Variants in NTRK2 observed in about 807,000 individuals in gnomAD.
NTRK2 encodes the protein BDNF/NT-3 growth factors receptor.
Under a neutral mutation model 94.5 loss-of-function variants are expected in NTRK2, and 13 were observed. The ratio of observed to expected loss-of-function variants is 0.14; its 90% CI spans 0.09 to 0.22. The LOEUF (loss-of-function observed/expected upper bound fraction) is 0.22, where lower values mean the gene tolerates loss of function less well. Among genes scored for constraint, NTRK2 ranks in the 10% least tolerant of loss-of-function variants. The pLI is 1.00. For synonymous variants in NTRK2, 372 were observed against 407.4 expected (o/e 0.91, Z 1.05); for missense variants, 639 against 1,071.2 (o/e 0.60, Z 5.63).
chr9:84,945,175 G>A (rs555691432), intron 15 of NTRK2, among the ~76,000 whole-genome samples: 62 of 152,274 alleles, frequency 4.1e-4, no homozygotes, highest in African/African-American at 1.5e-3. Flanking sequence ...TTCCTGGTCC[G>A]TCTTTCATTT....
At chr9:84,741,644 C>A (rs1046681236) in intron 9 of NTRK2, among the ~76,000 whole-genome samples, 1 of 152,096 alleles carries the variant, frequency 6.6e-6, no homozygotes, top group Non-Finnish European at 1.5e-5. Flanking sequence ...TTTTTCAAAG[C>A]AATTTGTGAT....
In NTRK2 at chr9:84,876,854, C is replaced by T; in HGVS notation, c.1633+9423C>T. 3 of 1,062,660 alleles carry T rather than the reference C, an allele frequency of 2.8e-6. No individual in the cohort carries two copies. In the South Asian group the frequency reaches 1.4e-4, roughly 48 times the overall value. 65.8% of individuals were successfully genotyped at this position (1,062,660 alleles called of 1,614,324 possible). On this transcript the variant is annotated intron_variant, in intron 14 of 18. Coordinates refer to ENST00000277120, the MANE Select transcript of NTRK2 (RefSeq NM_006180.6). ...ATGTATACATTTAGTCTGTCTTTTTCCCTTTTAGGAGTCTTTGTTCTGGGT... is the reference window on the plus strand; with the variant it reads ...ATGTATACATTTAGTCTGTCTTTTTTCCTTTTAGGAGTCTTTGTTCTGGGT...
intron 17 of NTRK2, among the ~76,000 whole-genome samples, chr9:84,993,590 T>C (rs1022409863): frequency 3.9e-5 from 6 of 152,186 alleles, no homozygotes; most frequent in Admixed American, 6.5e-5. Flanking sequence ...CTTTGTAGAG[T>C]GCAAATCTGG....
intron 12 of NTRK2, among the ~76,000 whole-genome samples, chr9:84,778,287 C>T (rs1416706362): frequency 6.6e-6 from 1 of 152,016 alleles, no homozygotes; most frequent in Admixed American, 6.6e-5. Flanking sequence ...AAAACAAAGC[C>T]TTCCTTAAAT....
intron 17 of NTRK2, among the ~76,000 whole-genome samples, chr9:84,962,463 G>A (rs1005705673): frequency 1.1e-4 from 17 of 151,786 alleles, no homozygotes; most frequent in Non-Finnish European, 1.9e-4. Context: ...AATGCTAGCA[G>A]TAGATGGGTA....
rs113258049 is a variant in NTRK2, at chr9:84,948,768, T to C, written c.1937+134T>C. Reference sequence around the variant, plus strand: ...CTTATTTGATAATGACACCAGCATATGCCAGAGAAAGGAGGAGAGAAAAAA... The same window carrying C: ...CTTATTTGATAATGACACCAGCATACGCCAGAGAAAGGAGGAGAGAAAAAA... On this transcript the variant is annotated intron_variant, in intron 16 of 18. Coordinates refer to ENST00000277120, the MANE Select transcript of NTRK2 (RefSeq NM_006180.6). 6.7e-4 allele frequency: 479 copies of C among 716,522 alleles called. 4 individuals are homozygous for C. The African/African-American group carries it at 7.2e-3, about 11-fold the overall frequency. 44.4% of individuals were successfully genotyped at this position (716,522 alleles called of 1,614,324 possible).
rs773413015 is a variant in NTRK2, at chr9:84,704,225, CTTTTTTTT to C, written c.359+1820_359+1827del. Among the ~76,000 whole-genome samples, 6 of 93,710 alleles carry C rather than the reference CTTTTTTTT, an allele frequency of 6.4e-5. No individual in the cohort carries two copies. In the Admixed American group the frequency reaches 7.1e-4, roughly 11 times the overall value. 61.5% of individuals were successfully genotyped at this position (93,710 alleles called of 152,430 possible). On this transcript the variant is annotated intron_variant, in intron 4 of 18. Transcript: ENST00000277120. ...ATATGACGGTGATTTTGGTGGTATT[CTTTTTTTT>C]TTTTTTTTTTTTTGAGATGGAGTCT...
Position 84,861,065 on chromosome 9 carries a change from A to G in NTRK2, c.1422A>G (p.Lys474=). The G allele has an allele frequency of 6.2e-7, 1 of 1,613,496 alleles. No individual in the cohort carries two copies. Among genetic ancestry groups the G allele is most frequent in the East Asian group, 2.2e-5 (1 of 44,832 alleles). Residue 474 remains lysine, a synonymous_variant, in exon 13 of 19, where the codon AAA becomes AAG. Transcript: ENST00000277120. ...ATTTCTCATGGTTTGGATTTGGGAAAGTAAAATCAAGACAAGGTGTTGGTA... is the reference window on the plus strand; with the variant it reads ...ATTTCTCATGGTTTGGATTTGGGAAGGTAAAATCAAGACAAGGTGTTGGTA... ...MKDFSWFGFG[K]VKSRQGVGPA...
chr9:84,950,447 G>C (rs897786459), intron 16 of NTRK2, among the ~76,000 whole-genome samples: 1 of 152,188 alleles, frequency 6.6e-6, no homozygotes, highest in Non-Finnish European at 1.5e-5. Flanking sequence ...CCAGTAGTGA[G>C]GACGGGAGAT....
intron 14 of NTRK2, among the ~76,000 whole-genome samples, chr9:84,924,283 GA>G (rs984421786): frequency 2.7e-5 from 4 of 147,568 alleles, no homozygotes; most frequent in African/African-American, 1.0e-4. Flanking sequence ...AAGAAAGAAA[GA>G]AAGAAAGAAA....
chr9:85,004,558 A>G (rs1389609962), intron 17 of NTRK2, among the ~76,000 whole-genome samples: 1 of 152,228 alleles, frequency 6.6e-6, no homozygotes, highest in African/African-American at 2.4e-5. Flanking sequence ...GTGTTTTGTT[A>G]TAAACGAAGT....
At chr9:84,832,863 G>A (rs1195908663) in intron 12 of NTRK2, among the ~76,000 whole-genome samples, 1 of 152,064 alleles carries the variant, frequency 6.6e-6, no homozygotes, top group Non-Finnish European at 1.5e-5. Context: ...GGAGAAATTG[G>A]CTTGAATCCT....
At chr9:84,841,515 A>G (rs1251166607) in intron 12 of NTRK2, among the ~76,000 whole-genome samples, 1 of 152,166 alleles carries the variant, frequency 6.6e-6, no homozygotes, top group African/African-American at 2.4e-5. Flanking sequence ...CATTGGCCAG[A>G]GTGCACCCTG....
In NTRK2 at chr9:84,723,651, C is replaced by T. The variant is rs2132023359; in HGVS notation, c.662C>T (p.Ala221Val). Residue 221 changes from alanine (A) to valine (V), a missense_variant, in exon 7 of 19, where the codon GCA becomes GTA. Physicochemically the swap from Ala to Val is moderately conservative, Grantham distance 64. Transcript: ENST00000277120. ...TCTATCACATTATCCTGTAGTGTGG[C>T]AGGTGATCCGGTTCCTAATATGTAT... ...GKSITLSCSV[A>V]GDPVPNMYWD... 1 of 1,614,080 alleles carries T rather than the reference C, an allele frequency of 6.2e-7. No individual in the cohort carries two copies. Among genetic ancestry groups the T allele is most frequent in the South Asian group, 1.1e-5 (1 of 91,072 alleles).
At chr9:84,733,121 T>G (rs2063006844) in intron 9 of NTRK2, among the ~76,000 whole-genome samples, 1 of 152,210 alleles carries the variant, frequency 6.6e-6, no homozygotes, top group African/African-American at 2.4e-5. Context: ...CCTTGTCCTC[T>G]GAGCCATCCG....
chr9:84,831,104 T>C (rs1268173269), intron 12 of NTRK2, among the ~76,000 whole-genome samples: 2 of 152,258 alleles, frequency 1.3e-5, no homozygotes, highest in African/African-American at 4.8e-5. Context: ...TAGTATTGGA[T>C]GTTTAAGTAA....
intron 2 of NTRK2, among the ~76,000 whole-genome samples, chr9:84,690,528 T>A (rs1367123734): frequency 7.1e-6 from 1 of 141,772 alleles, no homozygotes; most frequent in African/African-American, 2.6e-5. Context: ...AAAGACATTT[T>A]AAAAAATGAT....
At chr9:84,738,825 C>T (rs1260606856) in intron 9 of NTRK2, among the ~76,000 whole-genome samples, 1 of 152,100 alleles carries the variant, frequency 6.6e-6, no homozygotes, top group Non-Finnish European at 1.5e-5. Flanking sequence ...TGTCTTTCTG[C>T]GAGTTTCATA....
intron 17 of NTRK2, among the ~76,000 whole-genome samples, chr9:85,015,953 T>C (rs1028251424): frequency 7.2e-5 from 11 of 152,138 alleles, no homozygotes; most frequent in African/African-American, 2.7e-4. Context: ...AAAGGTTTGG[T>C]ATGTGGCTTT....
Sources: gnomAD v4.1 joint callset for allele counts (sites outside exome capture counted in the v4.1 genomes callset) on GRCh38, gnomAD v4.1.1 for gene constraint, MANE v1.5 for transcripts, NCBI Gene and HGNC (gene_info 2026-07-23, HGNC 2026-07-21) for gene names.